Variants in DNAJC14 observed in about 807,000 individuals in gnomAD.
The protein encoded by DNAJC14 is DnaJ heat shock protein family (Hsp40) member C14, also known as dnaJ homolog subfamily C member 14.
A neutral mutation model predicts 68.8 loss-of-function variants in DNAJC14; 12 were observed. That is an observed-to-expected ratio of 0.17 (90% CI 0.11 to 0.28). The LOEUF is 0.28. Among genes scored for constraint, DNAJC14 ranks in the 10% least tolerant of loss-of-function variants. The pLI, the probability that DNAJC14 is intolerant of heterozygous loss-of-function variation, is 1.00. For synonymous variants in DNAJC14, 350 were observed against 321.5 expected (o/e 1.09, Z -0.95); for missense variants, 764 against 875.6 (o/e 0.87, Z 1.61).
chr12:55,824,663 T>C (rs1880747807), intron 2 of DNAJC14, among the ~76,000 whole-genome samples: 2 of 152,166 alleles, frequency 1.3e-5, no homozygotes, highest in Admixed American at 1.3e-4. Flanking sequence ...GATAGATGTT[T>C]TGAGGTTAGG....
chr12:55,827,463 A>G lies in DNAJC14; in HGVS notation c.1196T>C (p.Leu399Pro), dbSNP rs139568055. 4.6e-5 allele frequency: 73 copies of G among 1,603,910 alleles called. 1 individual carries two copies. The East Asian group carries it at 1.6e-3, about 36-fold the overall frequency. Reference sequence around the variant, plus strand: ...ATTCTGCTTGACCCAAGGCAACTCCAGCCAGCCCCACTGAACTATTCTTAC... The same window carrying G: ...ATTCTGCTTGACCCAAGGCAACTCCGGCCAGCCCCACTGAACTATTCTTAC... ...RLVRIVQWGW[L>P]ELPWVKQNIN... is the part of the protein sequence containing the mutation. The change falls in exon 2 of 7, where the codon CTG becomes CCG. Residue 399 changes from leucine (L) to proline (P), a missense_variant. Leu to Pro is a moderately conservative substitution (Grantham distance 98). Around this residue, in one of 4 missense-constraint regions of DNAJC14, gnomAD observed 514 missense variants for 521.7 expected, o/e 0.99. Transcript: ENST00000678005.
At chr12:55,825,988 C>T (rs1194612842) in intron 2 of DNAJC14, among the ~76,000 whole-genome samples, 2 of 152,144 alleles carry the variant, frequency 1.3e-5, no homozygotes, top group African/African-American at 4.8e-5. Flanking sequence ...AAAATCCTTA[C>T]ATGCACTCCC....
At chr12:55,826,016 G>C (rs1445989827) in intron 2 of DNAJC14, among the ~76,000 whole-genome samples, 1 of 151,756 alleles carries the variant, frequency 6.6e-6, no homozygotes, top group Non-Finnish European at 1.5e-5. Context: ...CCCATACTAG[G>C]TCCATATTTG....
At chr12:55,823,701 C>CTTTTT (rs57733478) in intron 2 of DNAJC14, among the ~76,000 whole-genome samples, 193 bp from the exon 3 acceptor site, 5 of 129,824 alleles carry the variant, frequency 3.9e-5, no homozygotes, top group African/African-American at 5.7e-5. Flanking sequence ...CCTTGAATAT[C>CTTTTT]TTTTTTTTTT....
chr12:55,827,610 A>G lies in DNAJC14; in HGVS notation c.1049T>C (p.Val350Ala), dbSNP rs759541540. Residue 350 changes from valine to alanine, a missense_variant, in exon 2 of 7, where the codon GTG (valine) becomes GCG (alanine). By Grantham distance (64) the Val-to-Ala change is moderately conservative (BLOSUM62 0). Around this residue, in one of 4 missense-constraint regions of DNAJC14, gnomAD observed 514 missense variants for 521.7 expected, o/e 0.99. Coordinates refer to ENST00000678005, the MANE Select transcript of DNAJC14 (RefSeq NM_032364.6). Reference protein sequence around the residue: ...GFLQLGWRFLVGLGDRLGWRD... With the variant: ...GFLQLGWRFLAGLGDRLGWRD... ...CCAGCCTAACCGGTCACCTAGTCCC[A>G]CCAGAAACCGCCATCCCAACTGTAG... is the stretch of plus-strand genomic sequence containing the variant. 6.2e-7 allele frequency: 1 copy of G among 1,608,448 alleles called. No homozygotes were observed. The highest frequency in any genetic ancestry group is 8.5e-7 in the Non-Finnish European group (1 of 1,176,230).
intron 2 of DNAJC14, among the ~76,000 whole-genome samples, chr12:55,824,153 G>A (rs1880736827): frequency 6.6e-6 from 1 of 151,940 alleles, no homozygotes; most frequent in Non-Finnish European, 1.5e-5. Flanking sequence ...GACTGTCCCA[G>A]TTTTAGCACT....
In DNAJC14 at chr12:55,828,685, G is replaced by T. The variant is rs759197713; in HGVS notation, c.-27C>A. On this transcript the variant is annotated 5_prime_UTR_variant, in exon 2 of 7. Transcript: ENST00000678005. ...ACCCCGGGGCTTCCTGAGGGTCTTA[G>T]GTCACAGCCATCATGGTGTGTTCTG... The T allele has an allele frequency of 6.3e-7, 1 of 1,595,906 alleles. No homozygotes were observed. The highest frequency in any genetic ancestry group is 1.1e-5 in the South Asian group (1 of 89,148).
chr12:55,829,428 G>A lies in DNAJC14; in HGVS notation c.-57+61C>T, dbSNP rs1488938081. The A allele has an allele frequency of 5.4e-5, 53 of 982,716 alleles. No homozygotes were observed. The African/African-American group carries it at 8.0e-4, about 15-fold the overall frequency. 60.9% of individuals were successfully genotyped at this position (982,716 alleles called of 1,614,324 possible). A position where few individuals can be genotyped will look rare whatever the true frequency, so the allele number is the denominator to read the frequency against. On this transcript the variant is annotated intron_variant, in intron 1 of 6. Coordinates refer to ENST00000678005, the MANE Select transcript of DNAJC14 (RefSeq NM_032364.6). Reference sequence around the variant, plus strand: ...CCACTGTACTCCAGTCTGGGTGACAGAGCGAGACTCCATCTCAAAAAAACA... The same window carrying A: ...CCACTGTACTCCAGTCTGGGTGACAAAGCGAGACTCCATCTCAAAAAAACA...
intron 2 of DNAJC14, among the ~76,000 whole-genome samples, chr12:55,825,174 A>G (rs920089347): frequency 1.3e-5 from 2 of 151,630 alleles, no homozygotes; most frequent in African/African-American, 4.8e-5. Context: ...GCTACCTACT[A>G]AGGGGCATAC....
At chr12:55,829,602 T>A (rs1191887805), upstream of DNAJC14, 2 of 985,276 alleles carry the variant, frequency 2.0e-6, no homozygotes, top group Non-Finnish European at 2.4e-6. Context: ...CCGCCTTCCG[T>A]CCCCGCGGCC....
At position 55,827,371 on chromosome 12, in the gene DNAJC14, G is replaced by A; in HGVS notation, c.1288C>T (p.Arg430Ter). The A allele has an allele frequency of 6.2e-7, 1 of 1,613,732 alleles. No individual in the cohort carries two copies. The highest frequency in any genetic ancestry group is 8.5e-7 in the Non-Finnish European group (1 of 1,179,896). ...RYCQPEEEVA[R>*]LLTMAGVPED... is the part of the protein sequence containing the mutation. Reference sequence around the variant, plus strand: ...GGAACCCCAGCCATGGTCAAGAGTCGAGCCACTTCCTCTTCAGGCTGGCAG... The same window carrying A: ...GGAACCCCAGCCATGGTCAAGAGTCAAGCCACTTCCTCTTCAGGCTGGCAG... Residue 430 changes from arginine to a stop codon, truncating the protein, a stop_gained, in exon 2 of 7, where the codon CGA becomes TGA. Transcript: ENST00000678005. LOFTEE classifies it high-confidence loss of function.
At chr12:55,829,102 C>T (rs1880890328) in intron 1 of DNAJC14, 1 of 990,680 alleles carries the variant, frequency 1.0e-6, no homozygotes, top group Non-Finnish European at 1.2e-6. Context: ...GGGGGCGGAG[C>T]TTAGGGCTGC....
chr12:55,828,603 C>T lies in DNAJC14; in HGVS notation c.56G>A (p.Gly19Asp). 2 of 1,614,094 alleles carry T rather than the reference C, an allele frequency of 1.2e-6. No individual in the cohort carries two copies. Among genetic ancestry groups the T allele is most frequent in the Non-Finnish European group, 1.7e-6 (2 of 1,180,004 alleles). The stretch of plus-strand genomic sequence containing the variant: ...GGGTCCTAAAGTCCTGAGGGAGGCA[C>T]CACCACTGTGGTGGGCTCCATACAA... ...RGLYGAHHSG[G>D]ASLRTLGPSV... The change falls in exon 2 of 7, where the codon GGT becomes GAT. Residue 19 changes from glycine (G) to aspartate (D), a missense_variant. By Grantham distance (94) the Gly-to-Asp change is moderately conservative (BLOSUM62 -1). Transcript: ENST00000678005.
chr12:55,823,649 G>T, intron 2 of DNAJC14, 141 bp from the exon 3 acceptor site: 2 of 574,434 alleles, frequency 3.5e-6, no homozygotes, highest in East Asian at 3.3e-5. Flanking sequence ...TGACTCTGCA[G>T]ATCTGGTTCA....
intron 1 of DNAJC14, 178 bp downstream of exon 1, chr12:55,829,311 G>A (rs1880902353): frequency 1.7e-5 from 15 of 878,682 alleles, no homozygotes; most frequent in Non-Finnish European, 2.0e-5. Context: ...CAGGCGTGGT[G>A]GCGCGCACCT....
Position 55,822,687 on chromosome 12 carries a change from A to C in DNAJC14, c.1680T>G (p.Ala560=), listed in dbSNP as rs570693847. 2 of 1,614,206 alleles carry C rather than the reference A, an allele frequency of 1.2e-6. No individual in the cohort carries two copies. The highest frequency in any genetic ancestry group is 1.7e-6 in the Non-Finnish European group (2 of 1,180,048). ...DREPKSARYC[A]ECNRLHPAEE... is the part of the protein sequence containing the mutation. ...CAGCAGGATGCAGCCTATTACACTCAGCACAGTATCTGGCACTCTTAGGTT... is the reference window on the plus strand; with the variant it reads ...CAGCAGGATGCAGCCTATTACACTCCGCACAGTATCTGGCACTCTTAGGTT... The change falls in exon 5 of 7, where the codon GCT becomes GCG. Residue 560 remains alanine, a synonymous_variant. Transcript: ENST00000678005.
At chr12:55,822,986 T>C (rs745900085) in intron 4 of DNAJC14, 84 bp downstream of exon 4, 54 of 1,569,994 alleles carry the variant, frequency 3.4e-5, no homozygotes, top group Non-Finnish European at 3.5e-5. Flanking sequence ...ATGTAACTCA[T>C]AATTACCAGT....
Position 55,821,837 on chromosome 12 carries a change from C to T in DNAJC14, c.*140G>A. 1 of 936,316 alleles carries T rather than the reference C, an allele frequency of 1.1e-6. No individual in the cohort carries two copies. Among genetic ancestry groups the T allele is most frequent in the Non-Finnish European group, 1.5e-6 (1 of 651,294 alleles). 58.0% of individuals were successfully genotyped at this position (936,316 alleles called of 1,614,324 possible). A position where few individuals can be genotyped will look rare whatever the true frequency, so the allele number is the denominator to read the frequency against. The stretch of plus-strand genomic sequence containing the variant: ...ACACCACTGCACTCCAGCTGGGCAA[C>T]AGAGCAAGACTCCATCTCAAAAAAT... On this transcript the variant is annotated 3_prime_UTR_variant, in exon 7 of 7. Coordinates refer to ENST00000678005, the MANE Select transcript of DNAJC14 (RefSeq NM_032364.6).
At position 55,828,463 on chromosome 12, in the gene DNAJC14, T is replaced by C; in HGVS notation, c.196A>G (p.Asn66Asp). 1 of 1,614,120 alleles carries C rather than the reference T, an allele frequency of 6.2e-7. No homozygotes were observed. Residue 66 changes from asparagine (N) to aspartate (D), a missense_variant, in exon 2 of 7, where the codon AAC becomes GAC. By Grantham distance (23) the Asn-to-Asp change is conservative (BLOSUM62 1). Around this residue, in one of 4 missense-constraint regions of DNAJC14, gnomAD observed 514 missense variants for 521.7 expected, o/e 0.99. Transcript: ENST00000678005. ...CTTGGGTCCAACCAATGGGCTGGGT[T>C]TGGGTGCTGTGTGTGCTTAGGACCA... ...HSGPKHTQHP[N>D]PAHWLDPSHG...
Sources: gnomAD v4.1 joint callset for allele counts (sites outside exome capture counted in the v4.1 genomes callset) on GRCh38, gnomAD v4.1.1 for gene constraint, gnomAD v4.1.1 regional missense constraint, MANE v1.5 for transcripts, NCBI Gene and HGNC (gene_info 2026-07-23, HGNC 2026-07-21) for gene names.